The following CCDC181 variants were observed in gnomAD, a reference collection of about 807,000 sequenced individuals.
CCDC181 encodes coiled-coil domain-containing protein 181.
Under a neutral mutation model 58.7 loss-of-function variants are expected in CCDC181, and 35 were observed. The observed-to-expected ratio is 0.60, with a 90% CI of 0.46 to 0.79. The LOEUF is 0.79. Among genes scored for constraint, CCDC181 ranks in the 30% least tolerant of loss-of-function variants. CCDC181 has a pLI of 0.00. For missense variants in CCDC181, 517 were observed against 583.9 expected, an observed-to-expected ratio of 0.89 and a Z score of 1.18; for synonymous variants, 183 against 197.5, an observed-to-expected ratio of 0.93 and a Z score of 0.62.
At chr1:169,458,925 A>G (rs191886195) in intron 2 of CCDC181, among the ~76,000 whole-genome samples, 26 of 151,946 alleles carry the variant, frequency 1.7e-4, no homozygotes, top group African/African-American at 6.0e-4. Context: ...CGTCCTATTA[A>G]CTTCTTATAC....
chr1:169,398,873 G>C (rs1655194540), intron 4 of CCDC181, among the ~76,000 whole-genome samples: 1 of 152,206 alleles, frequency 6.6e-6, no homozygotes, highest in South Asian at 2.1e-4. Context: ...AAACACAGCA[G>C]TGAGGAGAAA....
intron 5 of CCDC181, among the ~76,000 whole-genome samples, chr1:169,395,609 T>G (rs1408127260): frequency 6.6e-6 from 1 of 152,222 alleles, no homozygotes; most frequent in Non-Finnish European, 1.5e-5. Flanking sequence ...AATACTATCA[T>G]GCAGAAATGC....
intron 2 of CCDC181, among the ~76,000 whole-genome samples, chr1:169,438,123 C>G (rs1321111601): frequency 6.6e-6 from 1 of 152,130 alleles, no homozygotes; most frequent in East Asian, 1.9e-4. Context: ...TGATATCCCT[C>G]TCTCCATTAT....
chr1:169,419,299 GC>G, intron 3 of CCDC181, 140 bp from the exon 4 acceptor site: 1 of 1,038,682 alleles, frequency 9.6e-7, no homozygotes, highest in Non-Finnish European at 1.3e-6. Context: ...GTCCTTCTAG[GC>G]CAGACACGGT....
At chr1:169,412,794 A>G (rs558315995) in intron 4 of CCDC181, among the ~76,000 whole-genome samples, 15 of 152,348 alleles carry the variant, frequency 9.8e-5, no homozygotes, top group Admixed American at 9.1e-4. Flanking sequence ...TATTTAATAA[A>G]TGGTGCTGGG....
intron 2 of CCDC181, among the ~76,000 whole-genome samples, chr1:169,435,754 A>C (rs1329181365): frequency 2.0e-5 from 3 of 152,192 alleles, no homozygotes; most frequent in Admixed American, 2.0e-4. Context: ...AAAATAATAA[A>C]ATTTTTAAAA....
chr1:169,442,106 T>C (rs1276849670), intron 2 of CCDC181, among the ~76,000 whole-genome samples: 1 of 151,878 alleles, frequency 6.6e-6, no homozygotes, highest in Non-Finnish European at 1.5e-5. Flanking sequence ...AAGAAGAAAA[T>C]TTAAATAAGT....
Position 169,407,877 on chromosome 1 carries a change from C to T in CCDC181, c.1216-10486G>A, listed in dbSNP as rs995059138. 7.2e-5 allele frequency among the ~76,000 whole-genome samples: 11 copies of T among 152,252 alleles called. No individual in the cohort carries two copies. The East Asian group carries it at 1.4e-3, about 19-fold the overall frequency. ...AGGGAAGCTGTGAGGGACTGTGCTA[C>T]GAGGAACTGTGCATTATTGCCCAAA... On this transcript the variant is annotated intron_variant, in intron 4 of 5. Transcript: ENST00000367806.
Position 169,421,993 on chromosome 1 carries a change from A to G in CCDC181, c.438T>C (p.Asp146=). The change falls in exon 3 of 6, where the codon GAT becomes GAC. Residue 146 remains aspartate (D), a synonymous_variant. Coordinates refer to ENST00000367806, the MANE Select transcript of CCDC181 (RefSeq NM_001300969.2). The part of the protein sequence containing the change: ...KLLQNQEPVN[D]KRERKLKFKD... ...TGAACTTAAGTTTTCGCTCCCTTTT[A>G]TCATTCACCGGTTCTTGATTCTGTA... The G allele has an allele frequency of 1.2e-6, 2 of 1,614,058 alleles. No homozygotes were observed. The highest frequency in any genetic ancestry group is 3.3e-5 in the Admixed American group (2 of 59,996).
intron 4 of CCDC181, 104 bp downstream of exon 4, chr1:169,418,909 C>A: frequency 1.1e-6 from 1 of 887,928 alleles, no homozygotes; most frequent in South Asian, 1.6e-5. Context: ...AACAACTTTT[C>A]TACTTCTTCC....
intron 4 of CCDC181, among the ~76,000 whole-genome samples, chr1:169,398,027 C>G (rs1282698410): frequency 2.0e-5 from 3 of 152,120 alleles, no homozygotes; most frequent in Non-Finnish European, 4.4e-5. Context: ...CAAATATGCT[C>G]TAGTCTAATT....
chr1:169,420,551 T>C (rs1418529113), intron 3 of CCDC181, among the ~76,000 whole-genome samples: 1 of 152,198 alleles, frequency 6.6e-6, no homozygotes, highest in Non-Finnish European at 1.5e-5. Flanking sequence ...AGTACAGATA[T>C]ACCTTGGTAA....
chr1:169,450,814 T>C (rs903394055), intron 2 of CCDC181, among the ~76,000 whole-genome samples: 11 of 152,198 alleles, frequency 7.2e-5, no homozygotes, highest in African/African-American at 2.7e-4. Context: ...TATTTTCTGC[T>C]TTTTTTGTTA....
intron 2 of CCDC181, among the ~76,000 whole-genome samples, chr1:169,455,309 A>C (rs1657654221): frequency 6.6e-6 from 1 of 152,060 alleles, no homozygotes; most frequent in Non-Finnish European, 1.5e-5. Context: ...AGTTTTCTAA[A>C]GTATTAATTA....
chr1:169,402,598 G>T (rs970880222), intron 4 of CCDC181, among the ~76,000 whole-genome samples: 2 of 152,046 alleles, frequency 1.3e-5, no homozygotes, highest in Admixed American at 1.3e-4. Flanking sequence ...TTACAGACAA[G>T]CAAATGCTGA....
chr1:169,408,135 C>T (rs1392170374), intron 4 of CCDC181, among the ~76,000 whole-genome samples: 1 of 152,236 alleles, frequency 6.6e-6, no homozygotes, highest in African/African-American at 2.4e-5. Context: ...GCAGATCTCA[C>T]CCCCACAAAG....
intron 4 of CCDC181, among the ~76,000 whole-genome samples, chr1:169,418,496 CT>C (rs766546052): frequency 6.9e-4 from 103 of 149,872 alleles, no homozygotes; most frequent in Admixed American, 1.3e-3. Flanking sequence ...TTCTTTTTTT[CT>C]TTTTTTTTAA....
At chr1:169,413,879 G>T (rs950560406) in intron 4 of CCDC181, among the ~76,000 whole-genome samples, 1 of 152,006 alleles carries the variant, frequency 6.6e-6, no homozygotes, top group Non-Finnish European at 1.5e-5. Context: ...GAGGGTGGGG[G>T]GCTAGGGGAG....
intron 2 of CCDC181, among the ~76,000 whole-genome samples, chr1:169,432,791 C>T (rs1414779957): frequency 6.6e-6 from 1 of 152,052 alleles, no homozygotes; most frequent in East Asian, 1.9e-4. Context: ...TTAAATTCAG[C>T]ACTCTTTCAT....
Sources: gnomAD v4.1 joint callset for allele counts (sites outside exome capture counted in the v4.1 genomes callset) on GRCh38, gnomAD v4.1.1 for gene constraint, MANE v1.5 for transcripts, NCBI Gene and HGNC (gene_info 2026-07-23, HGNC 2026-07-21) for gene names.